PCGF3: variants seen among roughly 807,000 people sequenced by gnomAD.
The protein encoded by PCGF3 is polycomb group RING finger protein 3.
Under a neutral mutation model 33.1 loss-of-function variants are expected in PCGF3, and 7 were observed. That is an observed-to-expected ratio of 0.21 (90% confidence interval 0.12 to 0.40). The LOEUF is 0.40. PCGF3 is among the 10% of genes least tolerant of loss of function. PCGF3 has a pLI of 1.00. For missense variants in PCGF3, 211 were observed against 313.3 expected, an observed-to-expected ratio of 0.67 and a Z score of 2.46; for synonymous variants, 153 against 121.3, an observed-to-expected ratio of 1.26 and a Z score of -1.72.
intron 1 of PCGF3, among the ~76,000 whole-genome samples, chr4:716,333 G>A (rs1742836313): frequency 6.9e-6 from 1 of 145,120 alleles, no homozygotes; most frequent in Admixed American, 6.8e-5. Context: ...GACACTGCGA[G>A]TGTGAGAACT....
intron 8 of PCGF3, among the ~76,000 whole-genome samples, chr4:753,117 G>A (rs1307161299): frequency 1.3e-5 from 2 of 152,236 alleles, no homozygotes; most frequent in African/African-American, 4.8e-5. Flanking sequence ...GAGAGGGCAT[G>A]GGCACCTTCT....
chr4:736,182 G>C (rs1743814032), intron 5 of PCGF3, among the ~76,000 whole-genome samples: 1 of 152,040 alleles, frequency 6.6e-6, no homozygotes, highest in Admixed American at 6.5e-5. Context: ...CGAGTAGCTG[G>C]AATTACAGGC....
intron 1 of PCGF3, among the ~76,000 whole-genome samples, chr4:723,274 G>GAGCCACGT (rs1369546304): frequency 1.3e-5 from 2 of 152,274 alleles, no homozygotes; most frequent in Non-Finnish European, 2.9e-5. Flanking sequence ...GGGAGCCATG[G>GAGCCACGT]AGCCACGTGA....
intron 1 of PCGF3, among the ~76,000 whole-genome samples, chr4:708,741 T>G (rs1340197712): frequency 6.6e-6 from 1 of 152,154 alleles, no homozygotes; most frequent in Non-Finnish European, 1.5e-5. Context: ...GTGCCCCACT[T>G]CCTCAGTGTA....
At chr4:730,749 G>T (rs1031146495) in intron 2 of PCGF3, 81 bp downstream of exon 2, 2 of 342,456 alleles carry the variant, frequency 5.8e-6, no homozygotes, top group Non-Finnish European at 1.1e-5. Flanking sequence ...CTTTGTGCAT[G>T]TGGTCGGCGT....
intron 3 of PCGF3, among the ~76,000 whole-genome samples, chr4:732,800 C>T (rs1743656495): frequency 6.6e-6 from 1 of 152,230 alleles, no homozygotes; most frequent in Non-Finnish European, 1.5e-5. Flanking sequence ...AGCGAAGTCC[C>T]AGTAGTGGGG....
rs1157800664 is a variant in PCGF3 at position 720,513 on chromosome 4, C to T, written c.-189-10117C>T. Reference sequence around the variant, plus strand: ...GTGGGTAGGGCCTCCTGCCAGGGAGCCTTGTGCATGGCTGGGAGGACGGCA... The same window carrying T: ...GTGGGTAGGGCCTCCTGCCAGGGAGTCTTGTGCATGGCTGGGAGGACGGCA... On this transcript the variant is annotated intron_variant, in intron 1 of 10. Coordinates refer to ENST00000362003, the Ensembl canonical transcript of PCGF3. The surrounding 1 kb of genome is among the most constrained non-coding windows in gnomAD (Gnocchi z 5.6). 6.6e-6 allele frequency among the ~76,000 whole-genome samples: 1 copy of T among 152,166 alleles called. No individual in the cohort carries two copies. Among genetic ancestry groups the T allele is most frequent in the Admixed American group, 6.6e-5 (1 of 15,266 alleles).
intron 4 of PCGF3, 174 bp from the exon 5 acceptor site, chr4:734,757 C>T (rs1171384659): frequency 7.2e-7 from 1 of 1,397,856 alleles, no homozygotes; most frequent in Non-Finnish European, 9.3e-7. Context: ...CTCATTGCTC[C>T]TGAGACCAGA....
At chr4:723,993 G>C (rs945190209) in intron 1 of PCGF3, 1 of 152,434 alleles carries the variant, frequency 6.6e-6, no homozygotes, top group Non-Finnish European at 1.5e-5. Context: ...CCCAGCAGCT[G>C]TGAGGATGGT....
chr4:734,096 CA>C, intron 4 of PCGF3: 1 of 1,550,658 alleles, frequency 6.4e-7, no homozygotes, highest in Non-Finnish European at 8.7e-7. Context: ...TGGCAGTTTC[CA>C]AATCTCCAGA....
At chr4:707,218 C>A (rs1183195573) in intron 1 of PCGF3, among the ~76,000 whole-genome samples, 2 of 151,396 alleles carry the variant, frequency 1.3e-5, no homozygotes, top group Admixed American at 1.3e-4. Context: ...TGGCAGGGCC[C>A]GGGGGGGCTA....
chr4:765,715 G>A (rs1745331391), intron 10 of PCGF3, among the ~76,000 whole-genome samples: 1 of 152,178 alleles, frequency 6.6e-6, no homozygotes, highest in Admixed American at 6.5e-5. Flanking sequence ...GCCTGGGGCT[G>A]GGCCAGAGGG....
intron 8 of PCGF3, chr4:757,861 A>G (rs1212292438): frequency 3.3e-5 from 5 of 152,170 alleles, no homozygotes; most frequent in Non-Finnish European, 5.9e-5. Flanking sequence ...TGTATAAACT[A>G]TTTACATTTT....
exon 1 of PCGF3, chr4:705,880 C>T (rs1348126496): frequency 6.6e-5 from 10 of 152,172 alleles, no homozygotes; most frequent in African/African-American, 2.4e-4. Flanking sequence ...TTCTCCTCCT[C>T]TTGGGGGGGA....
chr4:754,103 G>A (rs1744658919), intron 8 of PCGF3, among the ~76,000 whole-genome samples: 1 of 152,150 alleles, frequency 6.6e-6, no homozygotes, highest in Admixed American at 6.5e-5. Context: ...CTCGTGCAGA[G>A]TTAGGAAACC....
rs1743052202 is a variant in PCGF3, at chr4:720,927, C to T, written c.-189-9703C>T. On this transcript the variant is annotated intron_variant, in intron 1 of 10. Transcript: ENST00000362003. This position sits in a 1 kb window ranked among gnomAD's most constrained non-coding sequence, Gnocchi z 5.6. Reference sequence around the variant, plus strand: ...GCGGCTTGGAGAAGCCTGTCCTGGGCGGGTTTCACCACTTGGACGGGAGCT... The same window carrying T: ...GCGGCTTGGAGAAGCCTGTCCTGGGTGGGTTTCACCACTTGGACGGGAGCT... Among the ~76,000 whole-genome samples, 1 of 152,010 alleles carries T rather than the reference C, an allele frequency of 6.6e-6. No homozygotes were observed. The highest frequency in any genetic ancestry group is 6.5e-5 in the Admixed American group (1 of 15,274).
intron 8 of PCGF3, chr4:757,095 T>A (rs1744801466): frequency 6.6e-6 from 1 of 152,288 alleles, no homozygotes; most frequent in African/African-American, 2.4e-5. Flanking sequence ...AGAACCACTG[T>A]GATCACCTCC....
chr4:756,455 C>T lies in PCGF3; in HGVS notation c.463-4824C>T, dbSNP rs191254510. ...CTCGAACTCCTGACCTCAAATGATC[C>T]ACCCGCCTCAGCCTCCCAAAGTGCT... On this transcript the variant is annotated intron_variant, in intron 8 of 10. Transcript: ENST00000362003. Among the ~76,000 whole-genome samples the T allele has an allele frequency of 6.0e-3, 907 of 152,096 alleles. 4 individuals are homozygous for T. Among genetic ancestry groups the T allele is most frequent in the African/African-American group, 0.021 (871 of 41,494 alleles).
At chr4:760,201 T>C (rs530086132) in intron 8 of PCGF3, among the ~76,000 whole-genome samples, 4 of 152,342 alleles carry the variant, frequency 2.6e-5, no homozygotes, top group African/African-American at 9.6e-5. Context: ...TTCCTGAATC[T>C]GAGGACTGCC....
Sources: gnomAD v4.1 joint callset for allele counts (sites outside exome capture counted in the v4.1 genomes callset) on GRCh38, gnomAD v4.1.1 for gene constraint, Gnocchi (gnomAD v3.1) non-coding constraint, MANE v1.5 for transcripts, NCBI Gene and HGNC (gene_info 2026-07-23, HGNC 2026-07-21) for gene names.